MYCBP2: variants seen among roughly 807,000 people sequenced by gnomAD.
The protein encoded by MYCBP2 is E3 ubiquitin-protein ligase MYCBP2.
MYCBP2 carries 120 observed loss-of-function variants against 525.3 expected under a neutral mutation model. The observed-to-expected ratio is 0.23, with a 90% CI of 0.20 to 0.27. The LOEUF is 0.27. MYCBP2 is among the 10% of genes least tolerant of loss of function. MYCBP2 has a pLI of 1.00. For synonymous variants in MYCBP2, 1,894 were observed against 1,955.8 expected (o/e 0.97, Z 0.83); for missense variants, 4,149 against 5,657.1 (o/e 0.73, Z 8.55).
chr13:77,248,393 T>C (rs1265099585), intron 15 of MYCBP2, among the ~76,000 whole-genome samples: 2 of 152,120 alleles, frequency 1.3e-5, no homozygotes, highest in Non-Finnish European at 2.9e-5. Flanking sequence ...TCAAACTATA[T>C]AGAGAATTCC....
intron 15 of MYCBP2, 103 bp downstream of exon 15, chr13:77,251,048 T>C: frequency 3.2e-6 from 3 of 945,912 alleles, no homozygotes; most frequent in Middle Eastern, 3.3e-4. Context: ...AAGATGCCAC[T>C]GGTCTTTAAG....
chr13:77,276,816 G>GTTTTTTTTTTTTTTTT (rs397851660), intron 4 of MYCBP2, among the ~76,000 whole-genome samples: 19 of 76,220 alleles, frequency 2.5e-4, no homozygotes, highest in African/African-American at 9.1e-4. Context: ...TCCATGCCCA[G>GTTTTTTTTTTTTTTTT]TTTTTTTTTT....
chr13:77,263,546 G>T, intron 10 of MYCBP2, 105 bp downstream of exon 10: 1 of 869,028 alleles, frequency 1.2e-6, no homozygotes, highest in Non-Finnish European at 1.7e-6. Flanking sequence ...ACACAAAATA[G>T]CTGCTACAAC....
Position 77,064,672 on chromosome 13 carries a change from G to A in MYCBP2, c.12615C>T (p.Ala4205=). Residue 4205 remains alanine, a synonymous_variant, in exon 73 of 83, where the codon GCC becomes GCT. Coordinates refer to ENST00000544440, the MANE Select transcript of MYCBP2 (RefSeq NM_015057.5). The part of the protein sequence containing the change: ...TKNAIAETII[A]LTKMEEEFRS... Reference sequence around the variant, plus strand: ...TAAATTCTTCTTCCATCTTGGTCAAGGCAATGATGGTTTCTGCAATAGCAT... The same window carrying A: ...TAAATTCTTCTTCCATCTTGGTCAAAGCAATGATGGTTTCTGCAATAGCAT... 2 of 1,613,760 alleles carry A rather than the reference G, an allele frequency of 1.2e-6. No homozygotes were observed. Among genetic ancestry groups the A allele is most frequent in the Non-Finnish European group, 1.7e-6 (2 of 1,179,816 alleles).
chr13:77,071,661 GTAAGGCTCTTAAAGACTTGAATAT>G (rs1014729417), intron 68 of MYCBP2, among the ~76,000 whole-genome samples: 5 of 152,120 alleles, frequency 3.3e-5, no homozygotes, highest in Non-Finnish European at 5.9e-5. Context: ...CCAAAAACCA[GTAAGGCTCTTAAAGACTTGAATAT>G]TAAGGCTCTT....
intron 20 of MYCBP2, among the ~76,000 whole-genome samples, chr13:77,222,028 C>T (rs2065666083): frequency 2.0e-5 from 3 of 152,124 alleles, no homozygotes; most frequent in Admixed American, 2.0e-4. Flanking sequence ...AAGACAAAAA[C>T]ATCTGTACAT....
chr13:77,096,859 CA>C (rs1413656274), intron 56 of MYCBP2, among the ~76,000 whole-genome samples: 1 of 151,680 alleles, frequency 6.6e-6, no homozygotes, highest in African/African-American at 2.4e-5. Context: ...AATATGTAGA[CA>C]AAGAAAAAAA....
In MYCBP2 at chr13:77,067,564, T is replaced by C. The variant is rs754415636; in HGVS notation, c.12455+17A>G. ...ACTCTATTCTGTTTTGGTACTAAAA[T>C]AGAGGCAATAACTAACCTGGAATTG... On this transcript the variant is annotated intron_variant, in intron 71 of 82. Coordinates refer to ENST00000544440, the MANE Select transcript of MYCBP2 (RefSeq NM_015057.5). 5.0e-6 allele frequency: 8 copies of C among 1,612,598 alleles called. No individual in the cohort carries two copies. Among genetic ancestry groups the C allele is most frequent in the Non-Finnish European group, 6.8e-6 (8 of 1,178,762 alleles).
chr13:77,057,958 C>G lies in MYCBP2; in HGVS notation c.13329+260G>C, dbSNP rs544066165. 6.6e-5 allele frequency among the ~76,000 whole-genome samples: 10 copies of G among 151,782 alleles called. No homozygotes were observed. The East Asian group carries it at 1.7e-3, about 27-fold the overall frequency. On this transcript the variant is annotated intron_variant, in intron 78 of 82. Coordinates refer to ENST00000544440, the MANE Select transcript of MYCBP2 (RefSeq NM_015057.5). ...CTTCATGCCATTCTCCTGACTCAGC[C>G]TCCTGAGTAGCTGGGACTACAGGCA...
intron 52 of MYCBP2, among the ~76,000 whole-genome samples, chr13:77,137,247 C>A (rs2053897084): frequency 6.6e-6 from 1 of 152,138 alleles, no homozygotes; most frequent in East Asian, 1.9e-4. Flanking sequence ...AAAATAAAAT[C>A]GTGGGATTCA....
intron 21 of MYCBP2, 131 bp from the exon 22 acceptor site, chr13:77,212,291 T>A: frequency 1.5e-6 from 1 of 651,214 alleles, no homozygotes. Flanking sequence ...TTTGGGTTTT[T>A]AAAATAAATA....
chr13:77,248,907 A>C (rs1456866659), intron 15 of MYCBP2, among the ~76,000 whole-genome samples: 1 of 152,242 alleles, frequency 6.6e-6, no homozygotes, highest in South Asian at 2.1e-4. Context: ...GTGGTAATAT[A>C]CATACAATAG....
chr13:77,180,008 T>C lies in MYCBP2; in HGVS notation c.5133+119A>G, dbSNP rs538178068. 5.7e-6 allele frequency: 4 copies of C among 700,910 alleles called. No individual in the cohort carries two copies. The South Asian group carries it at 8.3e-5, about 14-fold the overall frequency. 43.4% of individuals were successfully genotyped at this position (700,910 alleles called of 1,614,324 possible). A position where few individuals can be genotyped will look rare whatever the true frequency, so the allele number is the denominator to read the frequency against. On this transcript the variant is annotated intron_variant, in intron 34 of 82. Transcript: ENST00000544440. ...AAAGGCAAAAAAGAAAAACAATGCATTGGGGTTGCTAATCCAATCTGAAAT... is the reference window on the plus strand; with the variant it reads ...AAAGGCAAAAAAGAAAAACAATGCACTGGGGTTGCTAATCCAATCTGAAAT...
chr13:77,230,122 C>A (rs2066923963), intron 18 of MYCBP2, among the ~76,000 whole-genome samples: 1 of 152,162 alleles, frequency 6.6e-6, no homozygotes, highest in Non-Finnish European at 1.5e-5. Flanking sequence ...TAGTCAATAT[C>A]TGCCTGTATA....
chr13:77,191,679 C>G lies in MYCBP2; in HGVS notation c.4070G>C (p.Gly1357Ala). The change falls in exon 28 of 83, where the codon GGG (glycine) becomes GCG (alanine). Residue 1357 changes from glycine to alanine, a missense_variant and splice_region_variant. This residue lies in a region of MYCBP2 where 620 missense variants were observed against 795.5 expected (regional missense o/e 0.78). Transcript: ENST00000544440. ...HGQASITTDD[G>A]VVFQFKSSKK... ...AAGTAACACTTGGGCATTTACTTAC[C>G]CATCATCTGTGGTAATAGATGCCTG... is the stretch of plus-strand genomic sequence containing the variant. 1.9e-6 allele frequency: 3 copies of G among 1,612,506 alleles called. No individual in the cohort carries two copies. Among genetic ancestry groups the G allele is most frequent in the Non-Finnish European group, 2.5e-6 (3 of 1,179,360 alleles).
chr13:77,084,337 T>C (rs1006299433), intron 62 of MYCBP2, among the ~76,000 whole-genome samples: 1 of 152,202 alleles, frequency 6.6e-6, no homozygotes, highest in Non-Finnish European at 1.5e-5. Context: ...TTTTAAACTA[T>C]GTCACTGAGC....
At chr13:77,170,225 C>A (rs2059002108) in intron 38 of MYCBP2, among the ~76,000 whole-genome samples, 1 of 152,186 alleles carries the variant, frequency 6.6e-6, no homozygotes, top group Non-Finnish European at 1.5e-5. Context: ...ATATTCAGCA[C>A]TCCAAAAATG....
intron 35 of MYCBP2, 151 bp downstream of exon 35, chr13:77,177,597 C>A (rs749084857): frequency 1.5e-6 from 1 of 673,892 alleles, no homozygotes; most frequent in Non-Finnish European, 2.5e-6. Context: ...GCTGAGATTA[C>A]AGGTGTGAGC....
chr13:77,213,172 G>C (rs2064275176), intron 21 of MYCBP2, among the ~76,000 whole-genome samples: 1 of 152,118 alleles, frequency 6.6e-6, no homozygotes, highest in Non-Finnish European at 1.5e-5. Context: ...AAAAATAAGA[G>C]AGCACAAAAA....
Sources: allele counts gnomAD v4.1 joint callset (sites outside exome capture counted in the v4.1 genomes callset), GRCh38; gene constraint gnomAD v4.1.1; regional missense constraint gnomAD v4.1.1; transcripts MANE v1.5; gene names NCBI Gene and HGNC (gene_info 2026-07-23, HGNC 2026-07-21).